Variants in KIAA1549L observed in about 807,000 individuals in gnomAD.
The protein encoded by KIAA1549L is KIAA1549 like.
A neutral mutation model predicts 160.7 loss-of-function variants in KIAA1549L; 88 were observed. That is an observed-to-expected ratio of 0.55 (90% CI 0.46 to 0.65). The LOEUF (loss-of-function observed/expected upper bound fraction) is 0.65. Among genes scored for constraint, KIAA1549L ranks in the 30% least tolerant of loss-of-function variants. The pLI, the probability that KIAA1549L is intolerant of heterozygous loss-of-function variation, is 0.00. For missense variants in KIAA1549L, 2,258 were observed against 2,437.5 expected (o/e 0.93, Z 1.55); for synonymous variants, 950 against 976.7 (o/e 0.97, Z 0.51).
In KIAA1549L at chr11:33,624,133, A is replaced by G. The variant is rs1156415946; in HGVS notation, c.5409+5471A>G. 2.6e-5 allele frequency among the ~76,000 whole-genome samples: 4 copies of G among 152,162 alleles called. No individual in the cohort carries two copies. In the East Asian group the frequency reaches 5.8e-4, roughly 22 times the overall value. On this transcript the variant is annotated intron_variant, in intron 16 of 20. Coordinates refer to ENST00000658780, the MANE Select transcript of KIAA1549L (RefSeq NM_012194.3). ...ACACTACAAGGCCTCAGCTGACCCC[A>G]TGGAGGCTCTGCAGCTCAGATGGCC... is the stretch of plus-strand genomic sequence containing the variant.
chr11:33,617,747 G>C (rs1327181224), intron 15 of KIAA1549L, among the ~76,000 whole-genome samples: 1 of 152,138 alleles, frequency 6.6e-6, no homozygotes, highest in African/African-American at 2.4e-5. Context: ...CTTCCATGGT[G>C]CCTGGCACAT....
chr11:33,521,289 G>T (rs758296135), intron 1 of KIAA1549L, among the ~76,000 whole-genome samples: 1 of 152,210 alleles, frequency 6.6e-6, no homozygotes, highest in South Asian at 2.1e-4. Context: ...ATACAGTTGC[G>T]GTTAAGAATG....
chr11:33,476,795 C>T (rs1040057276), intron 1 of KIAA1549L, among the ~76,000 whole-genome samples: 6 of 152,316 alleles, frequency 3.9e-5, no homozygotes, highest in East Asian at 3.9e-4. Flanking sequence ...ACTCTCCTAA[C>T]GTCACACTGA....
chr11:33,487,402 CTTTTTTTTTT>C (rs112165825), intron 1 of KIAA1549L, among the ~76,000 whole-genome samples: 2,970 of 85,556 alleles, frequency 0.035, 101 homozygotes, highest in South Asian at 0.15. Context: ...GTCTATTGTT[CTTTTTTTTTT>C]TTTTTTTTTT....
chr11:33,515,548 A>G (rs1036743276), intron 1 of KIAA1549L, among the ~76,000 whole-genome samples: 1 of 152,234 alleles, frequency 6.6e-6, no homozygotes, highest in African/African-American at 2.4e-5. Flanking sequence ...AGATGACACA[A>G]GTAGGTTTCC....
chr11:33,580,571 C>CAAAAAA (rs368467299), intron 10 of KIAA1549L, among the ~76,000 whole-genome samples: 13 of 52,280 alleles, frequency 2.5e-4, no homozygotes, highest in East Asian at 6.2e-4. Flanking sequence ...GATTCTGCCT[C>CAAAAAA]AAAAAAAAAA....
intron 11 of KIAA1549L, among the ~76,000 whole-genome samples, chr11:33,585,731 C>A (rs1590369799): frequency 6.6e-6 from 1 of 152,098 alleles, no homozygotes; most frequent in South Asian, 2.1e-4. Context: ...ATGAGTTGGG[C>A]AACACATGAT....
rs78412415 is a variant in KIAA1549L at position 33,519,091 on chromosome 11, C to T, written c.239-22711C>T. Among the ~76,000 whole-genome samples, 764 of 152,242 alleles carry T rather than the reference C, an allele frequency of 5.0e-3. 3 individuals are homozygous for T. Among genetic ancestry groups the T allele is most frequent in the African/African-American group, 0.017 (704 of 41,540 alleles). ...CTTGGGGAATCCAATCTTAAATAGA[C>T]TGGATGTTTTGAACATGAGAACTGT... On this transcript the variant is annotated intron_variant, in intron 1 of 20. Transcript: ENST00000658780.
At chr11:33,664,353 G>GC (rs5790943) in intron 20 of KIAA1549L, among the ~76,000 whole-genome samples, 152,292 of 152,292 alleles carry the variant, frequency 1, 76,146 homozygotes, top group Non-Finnish European at 1. Flanking sequence ...GTGGCTCCCA[G>GC]CCAGGCGTCA....
intron 1 of KIAA1549L, among the ~76,000 whole-genome samples, chr11:33,497,176 A>C (rs776165306): frequency 2.0e-5 from 3 of 152,104 alleles, no homozygotes; most frequent in Non-Finnish European, 4.4e-5. Flanking sequence ...GTCCTATTTA[A>C]CTTTTTCCCC....
chr11:33,543,504 C>G lies in KIAA1549L; in HGVS notation c.1941C>G (p.Thr647=). ...TCCCATCTCTTGGCTTTTCCAGCAC[C>G]AAGCCAGAGGCTTATGCAGCTGCTG... ...TVFPSLGFSS[T]KPEAYAAAVD... Residue 647 remains threonine (T), a synonymous_variant, in exon 2 of 21, where the codon ACC becomes ACG. Coordinates refer to ENST00000658780, the MANE Select transcript of KIAA1549L (RefSeq NM_012194.3). The G allele has an allele frequency of 6.2e-7, 1 of 1,614,030 alleles. No individual in the cohort carries two copies. Among genetic ancestry groups the G allele is most frequent in the Non-Finnish European group, 8.5e-7 (1 of 1,179,898 alleles).
At chr11:33,628,174 T>C (rs1851173042) in intron 16 of KIAA1549L, among the ~76,000 whole-genome samples, 2 of 152,150 alleles carry the variant, frequency 1.3e-5, no homozygotes, top group South Asian at 2.1e-4. Context: ...TTCTGTTCTT[T>C]TACATTTGCT....
At position 33,618,660 on chromosome 11, in the gene KIAA1549L, G is replaced by T. The variant is rs756511591; in HGVS notation, c.5407G>T (p.Asp1803Tyr). The T allele has an allele frequency of 1.3e-6, 2 of 1,582,496 alleles. No individual in the cohort carries two copies. The highest frequency in any genetic ancestry group is 1.7e-6 in the Non-Finnish European group (2 of 1,162,098). Reference protein sequence around the residue: ...PRRGIRNSGYDTEPEIIEETN... With the variant: ...PRRGIRNSGYYTEPEIIEETN... The stretch of plus-strand genomic sequence containing the variant: ...GCGTGGAATCCGCAACAGCGGATAC[G>T]ATGTGAGTCTCTGGTGGGCTGGGTA... The change falls in exon 16 of 21, where the codon GAT (aspartate) becomes TAT (tyrosine). Residue 1803 changes from aspartate to tyrosine, a missense_variant and splice_region_variant. Transcript: ENST00000658780.
chr11:33,625,255 G>A (rs1393195545), intron 16 of KIAA1549L, among the ~76,000 whole-genome samples: 6 of 151,856 alleles, frequency 4.0e-5, no homozygotes, highest in Non-Finnish European at 7.4e-5. Context: ...ATGATTTATA[G>A]TCCTTTGGGT....
Position 33,469,767 on chromosome 11 carries a change from T to C in KIAA1549L, c.239-72035T>C, listed in dbSNP as rs534642221. Among the ~76,000 whole-genome samples, 11 of 152,362 alleles carry C rather than the reference T, an allele frequency of 7.2e-5. No homozygotes were observed. In the East Asian group the frequency reaches 1.7e-3, roughly 24 times the overall value. ...TTTTGATTTGTATTTCCCTAATGGC[T>C]AATGATGTGGAACATCTTTTCATAT... On this transcript the variant is annotated intron_variant, in intron 1 of 20. Transcript: ENST00000658780.
At chr11:33,528,521 G>C (rs1211278557) in intron 1 of KIAA1549L, among the ~76,000 whole-genome samples, 1 of 152,172 alleles carries the variant, frequency 6.6e-6, no homozygotes, top group Non-Finnish European at 1.5e-5. Context: ...AAAGACATTT[G>C]CACATGCATG....
At chr11:33,625,624 A>C (rs1851085928) in intron 16 of KIAA1549L, among the ~76,000 whole-genome samples, 1 of 151,278 alleles carries the variant, frequency 6.6e-6, no homozygotes, top group Admixed American at 6.6e-5. Flanking sequence ...TTTTCTTGTA[A>C]ATTTGTTGAG....
At chr11:33,650,995 G>A (rs1232915990) in intron 17 of KIAA1549L, among the ~76,000 whole-genome samples, 1 of 152,146 alleles carries the variant, frequency 6.6e-6, no homozygotes, top group African/African-American at 2.4e-5. Flanking sequence ...GGTGAGACAG[G>A]ACAGAAGGCC....
chr11:33,526,094 A>G (rs1221313377), intron 1 of KIAA1549L, among the ~76,000 whole-genome samples: 1 of 151,900 alleles, frequency 6.6e-6, no homozygotes, highest in Non-Finnish European at 1.5e-5. Flanking sequence ...GGCCCCACCT[A>G]TTGCCTGAGA....
Sources: allele counts gnomAD v4.1 joint callset (sites outside exome capture counted in the v4.1 genomes callset), GRCh38; gene constraint gnomAD v4.1.1; transcripts MANE v1.5; gene names NCBI Gene and HGNC (gene_info 2026-07-23, HGNC 2026-07-21).